Variants in BRAF observed in about 807,000 individuals in gnomAD.
BRAF encodes B-Raf proto-oncogene, serine/threonine kinase, also known as serine/threonine-protein kinase B-raf.
BRAF carries 16 observed loss-of-function variants against 104.6 expected under a neutral mutation model. The observed-to-expected ratio is 0.15, with a 90% CI of 0.10 to 0.23. The LOEUF is 0.23. Ranked by LOEUF, BRAF falls within the 10% of genes least tolerant of loss-of-function variation. BRAF has a pLI of 1.00. For missense variants in BRAF, 541 were observed against 937.3 expected, an observed-to-expected ratio of 0.58 and a Z score of 5.52; for synonymous variants, 310 against 341.6, an observed-to-expected ratio of 0.91 and a Z score of 1.02.
chr7:140,764,142 C>T (rs1430265064), intron 14 of BRAF, among the ~76,000 whole-genome samples: 6 of 152,210 alleles, frequency 3.9e-5, no homozygotes, highest in African/African-American at 1.2e-4. Flanking sequence ...GCTGGTTCAA[C>T]ATACGCAAAT....
chr7:140,867,214 C>A (rs1811064608), intron 1 of BRAF, among the ~76,000 whole-genome samples: 1 of 152,052 alleles, frequency 6.6e-6, no homozygotes, highest in Non-Finnish European at 1.5e-5. Flanking sequence ...AAAAACTTGG[C>A]CCAAGTCAGA....
intron 1 of BRAF, among the ~76,000 whole-genome samples, chr7:140,850,900 T>C (rs1188326964): frequency 6.6e-6 from 1 of 152,198 alleles, no homozygotes; most frequent in Non-Finnish European, 1.5e-5. Context: ...AAAATAATTA[T>C]TTTCCACTTT....
intron 5 of BRAF, among the ~76,000 whole-genome samples, chr7:140,806,618 G>T (rs562714820): frequency 6.6e-6 from 1 of 152,092 alleles, no homozygotes; most frequent in Non-Finnish European, 1.5e-5. Context: ...TAGCTAAGAA[G>T]AATTATTAAG....
intron 2 of BRAF, among the ~76,000 whole-genome samples, chr7:140,849,591 G>A (rs796931955): frequency 5.3e-5 from 8 of 151,686 alleles, no homozygotes; most frequent in African/African-American, 1.7e-4. Flanking sequence ...CCAAGTGGGT[G>A]GATCACAAAG....
At chr7:140,870,065 A>G (rs925421870) in intron 1 of BRAF, among the ~76,000 whole-genome samples, 20 of 152,214 alleles carry the variant, frequency 1.3e-4, no homozygotes, top group African/African-American at 4.6e-4. Flanking sequence ...ACATCTGAAC[A>G]TGGAAGGCAG....
intron 1 of BRAF, among the ~76,000 whole-genome samples, chr7:140,888,338 T>C (rs1310372923): frequency 1.3e-5 from 2 of 152,360 alleles, no homozygotes; most frequent in South Asian, 2.1e-4. Context: ...GACTCACATA[T>C]ATTGATTTAA....
intron 2 of BRAF, among the ~76,000 whole-genome samples, chr7:140,837,755 T>G (rs1408706397): frequency 6.6e-6 from 1 of 152,218 alleles, no homozygotes; most frequent in African/African-American, 2.4e-5. Context: ...TCTTCCTAAT[T>G]CTTCTCTGGA....
In BRAF at chr7:140,749,384, G is replaced by T. The variant is rs1797604571; in HGVS notation, c.2015C>A (p.Pro672Gln). The change falls in exon 17 of 20, where the codon CCA becomes CAA. Residue 672 changes from proline to glutamine, a missense_variant. Transcript: ENST00000644969. ...PEVIRMQDKN[P>Q]YSFQSDVYAF... is the part of the protein sequence containing the mutation. ...ATATACATCTGACTGAAAGCTGTAT[G>T]GATTTTTATCTTGCATTCTGATGAC... The T allele has an allele frequency of 6.2e-7, 1 of 1,612,928 alleles. No homozygotes were observed. The highest frequency in any genetic ancestry group is 1.7e-5 in the Admixed American group (1 of 59,950).
chr7:140,833,646 C>CT (rs1807024173), intron 3 of BRAF, among the ~76,000 whole-genome samples: 1 of 152,090 alleles, frequency 6.6e-6, no homozygotes, highest in South Asian at 2.1e-4. Context: ...AAATTAGAGT[C>CT]TATTTTTTAC....
chr7:140,814,861 GTTT>G (rs969235654), intron 3 of BRAF, among the ~76,000 whole-genome samples: 1 of 143,648 alleles, frequency 7.0e-6, no homozygotes, highest in African/African-American at 2.6e-5. Flanking sequence ...ATAGTAAAAA[GTTT>G]TTTAAAAAAA....
chr7:140,895,415 T>C (rs1169639259), intron 1 of BRAF, among the ~76,000 whole-genome samples: 1 of 152,170 alleles, frequency 6.6e-6, no homozygotes, highest in African/African-American at 2.4e-5. Flanking sequence ...GGAGAAACAT[T>C]CGTCATTTCT....
Position 140,726,348 on chromosome 7 carries a change from A to T in BRAF, c.*146T>A, listed in dbSNP as rs1795596373. On this transcript the variant is annotated 3_prime_UTR_variant, in exon 20 of 20. Transcript: ENST00000644969. The stretch of plus-strand genomic sequence containing the variant: ...TTCTTTCCTCTTTTGTTGGATGGGA[A>T]ATTCCATTCTGTTCCACATCAGCTT... 2.1e-6 allele frequency: 3 copies of T among 1,441,276 alleles called. No homozygotes were observed. In the South Asian group the frequency reaches 4.5e-5, roughly 21 times the overall value. 89.3% of individuals were successfully genotyped at this position (1,441,276 alleles called of 1,614,324 possible). A position where few individuals can be genotyped will look rare whatever the true frequency, so the allele number is the denominator to read the frequency against.
chr7:140,751,164 G>A (rs1797756122), intron 16 of BRAF, among the ~76,000 whole-genome samples: 2 of 152,066 alleles, frequency 1.3e-5, no homozygotes, highest in East Asian at 1.9e-4. Flanking sequence ...CATTTACACA[G>A]GTATCAACAA....
Position 140,839,945 on chromosome 7 carries a change from C to G in BRAF, c.241-5073G>C, listed in dbSNP as rs115076389. Among the ~76,000 whole-genome samples the G allele has an allele frequency of 8.6e-3, 1,310 of 152,136 alleles. 23 individuals are homozygous for G. The highest frequency in any genetic ancestry group is 0.03 in the African/African-American group (1,233 of 41,496). ...TTCAGCCACCTCTGAGGTATTTTTG[C>G]CCATGAAGCCACCAACTTGACTGCC... On this transcript the variant is annotated intron_variant, in intron 2 of 19. Transcript: ENST00000644969.
intron 8 of BRAF, among the ~76,000 whole-genome samples, chr7:140,793,978 A>C (rs1802267319): frequency 6.6e-6 from 1 of 152,190 alleles, no homozygotes; most frequent in South Asian, 2.1e-4. Flanking sequence ...AATCATTTTT[A>C]TAAAAGTTTT....
chr7:140,895,821 A>G (rs902494946), intron 1 of BRAF, among the ~76,000 whole-genome samples: 1 of 152,086 alleles, frequency 6.6e-6, no homozygotes, highest in African/African-American at 2.4e-5. Flanking sequence ...TCTTTACCCA[A>G]TCTTCTGTTG....
intron 1 of BRAF, among the ~76,000 whole-genome samples, chr7:140,902,384 T>C (rs1273855707): frequency 6.6e-6 from 1 of 152,228 alleles, no homozygotes; most frequent in African/African-American, 2.4e-5. Context: ...TAACCCCTTC[T>C]TGGGCCTCCT....
rs560707098 is a variant in BRAF, at chr7:140,731,621, T to C, written c.2401+2996A>G. The stretch of plus-strand genomic sequence containing the variant: ...GTTTTAGAGAGGACAATTTTAACTA[T>C]TGGTTTAACTATTAGAGTTTAGTAT... On this transcript the variant is annotated intron_variant, in intron 19 of 19. Transcript: ENST00000644969. 3.9e-5 allele frequency: 6 copies of C among 152,284 alleles called. No homozygotes were observed. In the East Asian group the frequency reaches 7.7e-4, roughly 20 times the overall value. The allele number at this position is 152,284 out of a possible 1,614,324, so 9.4% of individuals were successfully genotyped here. A position where few individuals can be genotyped will look rare whatever the true frequency, so the allele number is the denominator to read the frequency against.
At chr7:140,742,493 C>T (rs1298944910) in intron 17 of BRAF, among the ~76,000 whole-genome samples, 1 of 152,116 alleles carries the variant, frequency 6.6e-6, no homozygotes, top group Non-Finnish European at 1.5e-5. Context: ...CACGCCCAGC[C>T]AACATGGTGG....
Sources: allele counts gnomAD v4.1 joint callset (sites outside exome capture counted in the v4.1 genomes callset), GRCh38; gene constraint gnomAD v4.1.1; transcripts MANE v1.5; gene names NCBI Gene and HGNC (gene_info 2026-07-23, HGNC 2026-07-21).